Variants in TDRD3 observed in about 807,000 individuals in gnomAD.
The protein encoded by TDRD3 is tudor domain containing 3, also known as tudor domain-containing protein 3.
In TDRD3, 45 loss-of-function variants were observed where a neutral mutation model predicts 86.7. The observed-to-expected ratio is 0.52, with a 90% confidence interval of 0.41 to 0.67. TDRD3 has a LOEUF of 0.67. Ranked by LOEUF, TDRD3 falls within the 30% of genes least tolerant of loss-of-function variation. The pLI is 0.00. For synonymous variants in TDRD3, 298 were observed against 301.7 expected (o/e 0.99, Z 0.13); for missense variants, 814 against 889.0 (o/e 0.92, Z 1.07).
intron 12 of TDRD3, among the ~76,000 whole-genome samples, chr13:60,544,872 A>G (rs906186368): frequency 1.3e-5 from 2 of 152,174 alleles, no homozygotes; most frequent in Admixed American, 1.3e-4. Flanking sequence ...TCTCTTTTAA[A>G]TCTTGATAGT....
In TDRD3 at chr13:60,397,255, G is replaced by A. The variant is rs1428274706; in HGVS notation, c.-110G>A. 1 of 639,840 alleles carries A rather than the reference G, an allele frequency of 1.6e-6. No homozygotes were observed. Among genetic ancestry groups the A allele is most frequent in the Non-Finnish European group, 2.4e-6 (1 of 423,870 alleles). 39.6% of individuals were successfully genotyped at this position (639,840 alleles called of 1,614,324 possible). Reference sequence around the variant, plus strand: ...CCCAGTTGCAGAGCCGACCAGAGGAGTTTTTTCTTTTCTTTTCTTTTTTTT... The same window carrying A: ...CCCAGTTGCAGAGCCGACCAGAGGAATTTTTTCTTTTCTTTTCTTTTTTTT... On this transcript the variant is annotated 5_prime_UTR_variant, in exon 1 of 14. Transcript: ENST00000377881.
chr13:60,525,289 T>C (rs1291790435), intron 10 of TDRD3, among the ~76,000 whole-genome samples: 1 of 145,516 alleles, frequency 6.9e-6, no homozygotes, highest in Non-Finnish European at 1.5e-5. Flanking sequence ...TTCTCCCACT[T>C]CACCCTCCCG....
chr13:60,418,111 A>G (rs1185405056), intron 1 of TDRD3, among the ~76,000 whole-genome samples: 5 of 152,156 alleles, frequency 3.3e-5, no homozygotes, highest in Non-Finnish European at 7.3e-5. Flanking sequence ...AAAGGTATGC[A>G]TAGCCTCTTG....
intron 13 of TDRD3, 89 bp from the exon 14 acceptor site, chr13:60,573,527 A>C (rs1240172334): frequency 1.3e-6 from 1 of 778,270 alleles, no homozygotes; most frequent in African/African-American, 1.9e-5. Flanking sequence ...ACATTTACAG[A>C]TAAGTTTCAG....
At chr13:60,519,617 C>T (rs1167049263) in intron 10 of TDRD3, among the ~76,000 whole-genome samples, 2 of 152,034 alleles carry the variant, frequency 1.3e-5, no homozygotes, top group Non-Finnish European at 2.9e-5. Context: ...GAAAATAACT[C>T]ATGGTTATTA....
At chr13:60,436,101 A>G (rs1174896655) in intron 1 of TDRD3, among the ~76,000 whole-genome samples, 1 of 138,454 alleles carries the variant, frequency 7.2e-6, no homozygotes, top group Non-Finnish European at 1.6e-5. Flanking sequence ...CCACTTTTGG[A>G]TGGGTTGTTT....
At chr13:60,539,106 C>T (rs1322535312) in intron 12 of TDRD3, among the ~76,000 whole-genome samples, 1 of 152,052 alleles carries the variant, frequency 6.6e-6, no homozygotes, top group African/African-American at 2.4e-5. Context: ...GCCAGTAATT[C>T]TGGAAGGTGA....
intron 10 of TDRD3, among the ~76,000 whole-genome samples, chr13:60,527,057 ACTC>A (rs1163834471): frequency 4.6e-5 from 7 of 151,836 alleles, no homozygotes; most frequent in African/African-American, 1.7e-4. Flanking sequence ...GTGGTCTCGA[ACTC>A]CTGGCCTCAA....
At chr13:60,475,366 T>G (rs1463338400) in intron 5 of TDRD3, among the ~76,000 whole-genome samples, 1 of 152,208 alleles carries the variant, frequency 6.6e-6, no homozygotes, top group Non-Finnish European at 1.5e-5. Flanking sequence ...TGTTCCTGCC[T>G]TAGTTTGCTT....
At chr13:60,479,742 A>G (rs867872114) in intron 5 of TDRD3, among the ~76,000 whole-genome samples, 3 of 152,154 alleles carry the variant, frequency 2.0e-5, no homozygotes, top group Non-Finnish European at 4.4e-5. Flanking sequence ...CTTTATTATT[A>G]TGTATGTCAT....
At chr13:60,528,076 CA>C (rs1210285142) in intron 10 of TDRD3, among the ~76,000 whole-genome samples, 2 of 152,032 alleles carry the variant, frequency 1.3e-5, no homozygotes, top group African/African-American at 4.8e-5. Context: ...AATGATTTAC[CA>C]GAATAGCATA....
At position 60,567,544 on chromosome 13, in the gene TDRD3, A is replaced by G. The variant is rs1233796751; in HGVS notation, c.2138A>G (p.Asp713Gly). ...TEAWEEEGTY[D>G]QTLEFRRGGD... ...AAATAGGAGGAAGAAGGCACCTACG[A>G]TCAAACTCTGGAGTTCCGTAGGGGA... Residue 713 changes from aspartate to glycine, a missense_variant, in exon 13 of 14, where the codon GAT (aspartate) becomes GGT (glycine). By Grantham distance (94) the Asp-to-Gly change is moderately conservative. Coordinates refer to ENST00000377881, the MANE Select transcript of TDRD3 (RefSeq NM_001146070.2). 8 of 1,614,142 alleles carry G rather than the reference A, an allele frequency of 5.0e-6. No individual in the cohort carries two copies. The highest frequency in any genetic ancestry group is 2.7e-5 in the African/African-American group (2 of 75,016).
At chr13:60,500,818 G>C (rs982249548) in intron 8 of TDRD3, among the ~76,000 whole-genome samples, 1 of 152,232 alleles carries the variant, frequency 6.6e-6, no homozygotes, top group African/African-American at 2.4e-5. Context: ...TCCCATGTGA[G>C]TGCTAATCAA....
chr13:60,397,272 C>A lies in TDRD3; in HGVS notation c.-93C>A. Reference sequence around the variant, plus strand: ...CCAGAGGAGTTTTTTCTTTTCTTTTCTTTTTTTTTTTTTAAGGGGGGGGGT... The same window carrying A: ...CCAGAGGAGTTTTTTCTTTTCTTTTATTTTTTTTTTTTTAAGGGGGGGGGT... On this transcript the variant is annotated 5_prime_UTR_variant, in exon 1 of 14. Coordinates refer to ENST00000377881, the MANE Select transcript of TDRD3 (RefSeq NM_001146070.2). 2.2e-6 allele frequency: 1 copy of A among 461,980 alleles called. No homozygotes were observed. The highest frequency in any genetic ancestry group is 2.3e-5 in the African/African-American group (1 of 44,326). The allele number at this position is 461,980 out of a possible 1,614,324, so 28.6% of individuals were successfully genotyped here. A position where few individuals can be genotyped will look rare whatever the true frequency, so the allele number is the denominator to read the frequency against.
At chr13:60,518,461 A>T (rs1427182171) in intron 10 of TDRD3, among the ~76,000 whole-genome samples, 1 of 152,200 alleles carries the variant, frequency 6.6e-6, no homozygotes, top group Non-Finnish European at 1.5e-5. Flanking sequence ...ATGGTTTGTT[A>T]CATAACTGTA....
At chr13:60,461,263 A>T (rs1016672575) in intron 4 of TDRD3, among the ~76,000 whole-genome samples, 4 of 152,102 alleles carry the variant, frequency 2.6e-5, no homozygotes, top group African/African-American at 9.7e-5. Context: ...TTCCTAGGAA[A>T]TGATTGAAGT....
In TDRD3 at chr13:60,557,820, A is replaced by ATTTT. The variant is rs749028045; in HGVS notation, c.2119-9686_2119-9683dup. 3.2e-3 allele frequency among the ~76,000 whole-genome samples: 281 copies of ATTTT among 88,262 alleles called. 31 individuals carry two copies. Among genetic ancestry groups the ATTTT allele is most frequent in the Non-Finnish European group, 5.0e-3 (224 of 45,028 alleles). 57.9% of individuals were successfully genotyped at this position (88,262 alleles called of 152,430 possible). Reference sequence around the variant, plus strand: ...GGCATAAAGGATTTTTTTTTTCCTGATTTTTTTTTTTTTTTTTTTTTTGAG... The same window carrying ATTTT: ...GGCATAAAGGATTTTTTTTTTCCTGATTTTTTTTTTTTTTTTTTTTTTTTTTGAG... On this transcript the variant is annotated intron_variant, in intron 12 of 13. Transcript: ENST00000377881.
chr13:60,412,354 G>A (rs772151079), intron 1 of TDRD3, among the ~76,000 whole-genome samples: 3 of 152,024 alleles, frequency 2.0e-5, no homozygotes, highest in African/African-American at 7.2e-5. Flanking sequence ...TTTTGATTTA[G>A]TTTACTTAAT....
intron 8 of TDRD3, among the ~76,000 whole-genome samples, chr13:60,497,039 G>A (rs2137577629): frequency 6.6e-6 from 1 of 152,316 alleles, no homozygotes; most frequent in Non-Finnish European, 1.5e-5. Context: ...CGGGGACTTA[G>A]CCATACAGGA....
Sources: gnomAD v4.1 joint callset for allele counts (sites outside exome capture counted in the v4.1 genomes callset) on GRCh38, gnomAD v4.1.1 for gene constraint, MANE v1.5 for transcripts, NCBI Gene and HGNC (gene_info 2026-07-23, HGNC 2026-07-21) for gene names.